The following NME8 variants were observed in gnomAD, a reference collection of about 807,000 sequenced individuals.
The protein encoded by NME8 is NME/NM23 family member 8, also known as protein NME8.
NME8 carries 72 observed loss-of-function variants against 82.3 expected under a neutral mutation model. The ratio of observed to expected loss-of-function variants is 0.87; its 90% CI spans 0.72 to 1.06. The LOEUF (loss-of-function observed/expected upper bound fraction) is 1.06. Among genes scored for constraint, NME8 ranks in the 50% least tolerant of loss-of-function variants. The pLI is 0.00. For missense variants in NME8, 712 were observed against 685.4 expected (o/e 1.04, Z -0.43); for synonymous variants, 267 against 228.5 (o/e 1.17, Z -1.52).
At chr7:37,858,383 A>C (rs893019394) in intron 6 of NME8, among the ~76,000 whole-genome samples, 23 of 152,340 alleles carry the variant, frequency 1.5e-4, no homozygotes, top group African/African-American at 5.5e-4. Flanking sequence ...ATTGAATGGT[A>C]AAAAATGCAT....
chr7:37,899,592 G>A (rs1045214073), intron 17 of NME8, among the ~76,000 whole-genome samples: 1 of 152,044 alleles, frequency 6.6e-6, no homozygotes, highest in Non-Finnish European at 1.5e-5. Context: ...ATACCTAGGT[G>A]ATGGGATGAT....
intron 12 of NME8, among the ~76,000 whole-genome samples, chr7:37,881,539 G>T (rs1477913002): frequency 6.6e-6 from 1 of 152,078 alleles, no homozygotes; most frequent in African/African-American, 2.4e-5. Flanking sequence ...TTTATACATT[G>T]TTAAATTTGA....
chr7:37,895,144 T>C (rs1785204043), intron 16 of NME8, among the ~76,000 whole-genome samples: 1 of 152,174 alleles, frequency 6.6e-6, no homozygotes, highest in Non-Finnish European at 1.5e-5. Flanking sequence ...TAGCTATGAT[T>C]ATTCACATCT....
chr7:37,860,806 CACA>C (rs922744525), intron 6 of NME8, among the ~76,000 whole-genome samples: 6 of 152,200 alleles, frequency 3.9e-5, no homozygotes, highest in African/African-American at 1.4e-4. Flanking sequence ...TCTTCCTCCC[CACA>C]AAACACAGTC....
In NME8 at chr7:37,865,534, G is replaced by C. The variant is rs769366454; in HGVS notation, c.538G>C (p.Ala180Pro). 5 of 1,611,212 alleles carry C rather than the reference G, an allele frequency of 3.1e-6. No individual in the cohort carries two copies. The highest frequency in any genetic ancestry group is 1.7e-5 in the Admixed American group (1 of 59,972). The change falls in exon 10 of 18, where the codon GCT becomes CCT. Residue 180 changes from alanine to proline, a missense_variant. By Grantham distance (27) the Ala-to-Pro change is conservative. Coordinates refer to ENST00000199447, the MANE Select transcript of NME8 (RefSeq NM_016616.5). ...TACTCTCTAATTGAAGATTACCAAA[G>C]CTGGATTTATTATAGAAGCAGAGCA... ...VLEIKRKITK[A>P]GFIIEAEHKT... is the part of the protein sequence containing the mutation.
At chr7:37,855,938 A>T (rs891025931) in intron 5 of NME8, among the ~76,000 whole-genome samples, 5 of 126,016 alleles carry the variant, frequency 4.0e-5, no homozygotes, top group Non-Finnish European at 8.6e-5. Context: ...AACTTCCTTT[A>T]AAAAAAAAAA....
At position 37,884,302 on chromosome 7, in the gene NME8, G is replaced by T. The variant is rs1583641554; in HGVS notation, c.995-1G>T. On this transcript the variant is annotated splice_acceptor_variant, in intron 12 of 17. Transcript: ENST00000199447. LOFTEE classifies it high-confidence loss of function. ...CTTATTATGTAACTGTTTTTATTTAGATGATGTTTTGCGTATTATTAAAGA... is the reference window on the plus strand; with the variant it reads ...CTTATTATGTAACTGTTTTTATTTATATGATGTTTTGCGTATTATTAAAGA... 1.3e-6 allele frequency: 2 copies of T among 1,562,376 alleles called. No individual in the cohort carries two copies.
At chr7:37,890,321 A>G (rs1217488904) in intron 15 of NME8, among the ~76,000 whole-genome samples, 2 of 151,956 alleles carry the variant, frequency 1.3e-5, no homozygotes, top group African/African-American at 2.4e-5. Flanking sequence ...TTTAAATTGA[A>G]ACATAATTGT....
At chr7:37,897,658 T>C in intron 17 of NME8, among the ~76,000 whole-genome samples, 1 of 152,198 alleles carries the variant, frequency 6.6e-6, no homozygotes, top group East Asian at 1.9e-4. Context: ...TTTAGGATCC[T>C]TCCCCTCACC....
intron 6 of NME8, among the ~76,000 whole-genome samples, chr7:37,860,643 G>A (rs891641690): frequency 6.6e-6 from 1 of 152,122 alleles, no homozygotes; most frequent in African/African-American, 2.4e-5. Flanking sequence ...TCTACACACA[G>A]TTTCAATCAC....
chr7:37,856,036 G>A (rs1193480405), intron 5 of NME8, among the ~76,000 whole-genome samples: 3 of 152,084 alleles, frequency 2.0e-5, no homozygotes, highest in Non-Finnish European at 4.4e-5. Flanking sequence ...TATCAGGCAA[G>A]TCAGCTCTTT....
intron 8 of NME8, 27 bp from the exon 9 acceptor site, chr7:37,864,321 T>C: frequency 6.3e-7 from 1 of 1,583,578 alleles, no homozygotes; most frequent in South Asian, 1.1e-5. Context: ...AAAATGAAAT[T>C]CTGTCTTTTT....
chr7:37,862,979 G>A (rs559216677), intron 7 of NME8, among the ~76,000 whole-genome samples: 6 of 152,112 alleles, frequency 3.9e-5, no homozygotes, highest in Admixed American at 2.6e-4. Flanking sequence ...AATTAGCCGG[G>A]CATGGTGGCA....
intron 8 of NME8, among the ~76,000 whole-genome samples, chr7:37,863,924 T>C (rs894890063): frequency 6.6e-6 from 1 of 152,228 alleles, no homozygotes; most frequent in African/African-American, 2.4e-5. Flanking sequence ...AAATGAGTTA[T>C]CTTGCACTAA....
At chr7:37,857,649 A>C (rs1412912742) in intron 6 of NME8, among the ~76,000 whole-genome samples, 1 of 152,222 alleles carries the variant, frequency 6.6e-6, no homozygotes, top group Admixed American at 6.5e-5. Flanking sequence ...AAAACCTTGG[A>C]AATTTCATAG....
chr7:37,863,564 A>T lies in NME8; in HGVS notation c.454+102A>T, dbSNP rs752919984. 5.3e-6 allele frequency: 4 copies of T among 756,720 alleles called. 1 individual carries two copies. Among genetic ancestry groups the T allele is most frequent in the Admixed American group, 3.6e-5 (2 of 56,160 alleles). 46.9% of individuals were successfully genotyped at this position (756,720 alleles called of 1,614,324 possible). A position where few individuals can be genotyped will look rare whatever the true frequency, so the allele number is the denominator to read the frequency against. On this transcript the variant is annotated intron_variant, in intron 8 of 17. Coordinates refer to ENST00000199447, the MANE Select transcript of NME8 (RefSeq NM_016616.5). The stretch of plus-strand genomic sequence containing the variant: ...AAACACTGGTAACAAATCCATGTTT[A>T]TTAAGGAGGAATTATTCAGATAAAT...
rs750372750 is a variant in NME8 at position 37,897,086 on chromosome 7, A to G, written c.1761A>G (p.Glu587=). Residue 587 remains glutamate, a synonymous_variant, in exon 17 of 18, where the codon GAA becomes GAG. Coordinates refer to ENST00000199447, the MANE Select transcript of NME8 (RefSeq NM_016616.5). ...ATAGACTCTTTGAGGATCCTGAGGA[A>G]AACTAAAGTATATACTGTGAAGTAC... ...VVNRLFEDPE[E]N The G allele has an allele frequency of 5.6e-6, 9 of 1,600,930 alleles. No homozygotes were observed. In the South Asian group the frequency reaches 6.6e-5, roughly 12 times the overall value.
In NME8 at chr7:37,860,865, A is replaced by G. The variant is rs1784588932; in HGVS notation, c.271-1163A>G. 3.9e-5 allele frequency among the ~76,000 whole-genome samples: 6 copies of G among 152,174 alleles called. 1 individual carries two copies. In the South Asian group the frequency reaches 1.2e-3, roughly 31 times the overall value. On this transcript the variant is annotated intron_variant, in intron 6 of 17. Coordinates refer to ENST00000199447, the MANE Select transcript of NME8 (RefSeq NM_016616.5). ...TTGGCATATAATATGATAACTTATAATTTATCCAGTTTTCAAGTGAGAAAC... is the reference window on the plus strand; with the variant it reads ...TTGGCATATAATATGATAACTTATAGTTTATCCAGTTTTCAAGTGAGAAAC...
chr7:37,889,184 A>G (rs1163047911), intron 15 of NME8, among the ~76,000 whole-genome samples: 2 of 151,916 alleles, frequency 1.3e-5, no homozygotes, highest in Non-Finnish European at 2.9e-5. Context: ...TTTTCCTAGG[A>G]AGTTATCTAT....
Sources: allele counts gnomAD v4.1 joint callset (sites outside exome capture counted in the v4.1 genomes callset), GRCh38; gene constraint gnomAD v4.1.1; transcripts MANE v1.5; gene names NCBI Gene and HGNC (gene_info 2026-07-23, HGNC 2026-07-21).